MNS1: variants seen among roughly 807,000 people sequenced by gnomAD.
The protein encoded by MNS1 is meiosis-specific nuclear structural protein 1.
A neutral mutation model predicts 72.0 loss-of-function variants in MNS1; 63 were observed. That is an observed-to-expected ratio of 0.87 (90% CI 0.71 to 1.08). The LOEUF (loss-of-function observed/expected upper bound fraction) is 1.08, where lower values mean the gene tolerates loss of function less well. MNS1 is among the 50% of genes least tolerant of loss of function. The pLI is 0.00. For synonymous variants in MNS1, 188 were observed against 172.1 expected, an observed-to-expected ratio of 1.09 and a Z score of -0.72; for missense variants, 604 against 562.4, an observed-to-expected ratio of 1.07 and a Z score of -0.75.
At position 56,431,667 on chromosome 15, in the gene MNS1, G is replaced by C. The variant is rs761576564; in HGVS notation, c.1270-169C>G. Among the ~76,000 whole-genome samples the C allele has an allele frequency of 1.3e-5, 2 of 151,742 alleles. 1 individual carries two copies. Among genetic ancestry groups the C allele is most frequent in the Non-Finnish European group, 2.9e-5 (2 of 67,962 alleles). On this transcript the variant is annotated intron_variant, in intron 8 of 9. Coordinates refer to ENST00000260453, the MANE Select transcript of MNS1 (RefSeq NM_018365.4). ...TTTTTAAAATATATATTTTATGTCT[G>C]TACACATATCTATGTATTTTTTACT...
At chr15:56,447,198 T>C (rs2050912055) in intron 3 of MNS1, 1 of 286,102 alleles carries the variant, frequency 3.5e-6, no homozygotes, top group African/African-American at 2.2e-5. Flanking sequence ...AATACCACAC[T>C]ATCTCAACTG....
In MNS1 at chr15:56,429,065, T is replaced by C; in HGVS notation, c.*36A>G. On this transcript the variant is annotated 3_prime_UTR_variant, in exon 10 of 10. Coordinates refer to ENST00000260453, the MANE Select transcript of MNS1 (RefSeq NM_018365.4). ...GTTATGCTGACATCTAGTGGTAACATGCAAAAAATCTATGCTTTACCCAAT... is the reference window on the plus strand; with the variant it reads ...GTTATGCTGACATCTAGTGGTAACACGCAAAAAATCTATGCTTTACCCAAT... 7.3e-7 allele frequency: 1 copy of C among 1,374,516 alleles called. No homozygotes were observed. The highest frequency in any genetic ancestry group is 1.0e-6 in the Non-Finnish European group (1 of 987,068). The allele number at this position is 1,374,516 out of a possible 1,614,324, so 85.1% of individuals were successfully genotyped here.
chr15:56,435,859 G>C (rs1163336849), intron 7 of MNS1, among the ~76,000 whole-genome samples: 1 of 151,902 alleles, frequency 6.6e-6, no homozygotes, highest in Non-Finnish European at 1.5e-5. Flanking sequence ...AAAAATTACA[G>C]ACCAATATTC....
At chr15:56,438,906 T>G (rs1181395468) in intron 7 of MNS1, among the ~76,000 whole-genome samples, 1 of 152,100 alleles carries the variant, frequency 6.6e-6, no homozygotes, top group Non-Finnish European at 1.5e-5. Context: ...ATGTCTACTC[T>G]CATCACTCTT....
intron 8 of MNS1, among the ~76,000 whole-genome samples, chr15:56,431,953 T>A (rs2050609377): frequency 6.6e-6 from 1 of 152,100 alleles, no homozygotes; most frequent in Admixed American, 6.6e-5. Context: ...CTAGTATTTC[T>A]TAGGAAAGTG....
chr15:56,450,218 G>T (rs2140368705), intron 3 of MNS1, among the ~76,000 whole-genome samples: 1 of 152,060 alleles, frequency 6.6e-6, no homozygotes, highest in South Asian at 2.1e-4. Context: ...CCACAAGTTG[G>T]TTTCTTTTTT....
At position 56,443,413 on chromosome 15, in the gene MNS1, C is replaced by T; in HGVS notation, c.1011+17G>A. 2 of 1,514,062 alleles carry T rather than the reference C, an allele frequency of 1.3e-6. No homozygotes were observed. Among genetic ancestry groups the T allele is most frequent in the Non-Finnish European group, 1.8e-6 (2 of 1,125,192 alleles). 93.8% of individuals were successfully genotyped at this position (1,514,062 alleles called of 1,614,324 possible). A position where few individuals can be genotyped will look rare whatever the true frequency, so the allele number is the denominator to read the frequency against. Reference sequence around the variant, plus strand: ...TTCTTCTCTACATTAATCATTCTTTCCATTTCTGAAACTTACTTTTAGCTT... The same window carrying T: ...TTCTTCTCTACATTAATCATTCTTTTCATTTCTGAAACTTACTTTTAGCTT... On this transcript the variant is annotated intron_variant, in intron 7 of 9. Coordinates refer to ENST00000260453, the MANE Select transcript of MNS1 (RefSeq NM_018365.4).
At chr15:56,433,442 A>T (rs1409152947) in intron 8 of MNS1, among the ~76,000 whole-genome samples, 2 of 151,906 alleles carry the variant, frequency 1.3e-5, no homozygotes, top group African/African-American at 4.8e-5. Context: ...AATAATTAAA[A>T]AGATGGAATG....
chr15:56,434,420 T>C (rs372351973), intron 7 of MNS1, 25 bp from the exon 8 acceptor site: 2 of 1,588,048 alleles, frequency 1.3e-6, no homozygotes, highest in Non-Finnish European at 1.7e-6. Context: ...TGAAAGTTAA[T>C]TTAGTAACTA....
chr15:56,464,104 G>C lies in MNS1; in HGVS notation c.147C>G (p.Asn49Lys). ...TGAGAAATTGCTTGCGCTGAACACG[G>C]TTATCATTTTCATTCTGCACCATTT... ...RNQMVQNEND[N>K]RVQRKQFLRL... Residue 49 changes from asparagine to lysine, a missense_variant, in exon 2 of 10, where the codon AAC becomes AAG. Asn to Lys is a moderately conservative substitution (Grantham distance 94). Coordinates refer to ENST00000260453, the MANE Select transcript of MNS1 (RefSeq NM_018365.4). 1.9e-6 allele frequency: 3 copies of C among 1,614,028 alleles called. No homozygotes were observed. Among genetic ancestry groups the C allele is most frequent in the East Asian group, 2.2e-5 (1 of 44,864 alleles).
chr15:56,463,844 G>A lies in MNS1; in HGVS notation c.225+182C>T, dbSNP rs1596270537. The A allele has an allele frequency of 5.1e-6, 3 of 590,614 alleles. No individual in the cohort carries two copies. In the East Asian group the frequency reaches 8.5e-5, roughly 17 times the overall value. The allele number at this position is 590,614 out of a possible 1,614,324, so 36.6% of individuals were successfully genotyped here. A position where few individuals can be genotyped will look rare whatever the true frequency, so the allele number is the denominator to read the frequency against. On this transcript the variant is annotated intron_variant, in intron 2 of 9. Coordinates refer to ENST00000260453, the MANE Select transcript of MNS1 (RefSeq NM_018365.4). ...CGTAGCTAAGGTATAGCAGTAGTAG[G>A]ATTCAAAGACAGGCCGGCTCCAGAA...
chr15:56,456,222 A>G (rs957673290), intron 3 of MNS1, among the ~76,000 whole-genome samples, 172 bp downstream of exon 3: 1 of 152,136 alleles, frequency 6.6e-6, no homozygotes, highest in African/African-American at 2.4e-5. Flanking sequence ...CATGAATACA[A>G]CTTCTTTTCT....
At chr15:56,441,406 T>C (rs577909995) in intron 7 of MNS1, among the ~76,000 whole-genome samples, 9 of 152,312 alleles carry the variant, frequency 5.9e-5, no homozygotes, top group African/African-American at 9.6e-5. Flanking sequence ...TTTATTGATA[T>C]TGCTTTCAAT....
intron 8 of MNS1, 149 bp from the exon 9 acceptor site, chr15:56,431,647 A>T (rs141264677): frequency 2.1e-5 from 12 of 569,656 alleles, no homozygotes; most frequent in African/African-American, 1.8e-4. Context: ...ATATATTTTT[A>T]AAATATATAT....
Position 56,464,989 on chromosome 15 carries a change from T to C in MNS1, c.-17A>G, listed in dbSNP as rs200417797. The C allele has an allele frequency of 1.1e-4, 177 of 1,609,182 alleles. 3 individuals are homozygous for C. The East Asian group carries it at 2.8e-3, about 26-fold the overall frequency. On this transcript the variant is annotated 5_prime_UTR_variant, in exon 1 of 10. Transcript: ENST00000260453. ...GCTCACCATCTTGGCTGACGAAAAA[T>C]ACCCCCTCTCGTGGGACCGCGGCCA...
At position 56,434,174 on chromosome 15, in the gene MNS1, A is replaced by G; in HGVS notation, c.1233T>C (p.Leu411=). Residue 411 remains leucine, a synonymous_variant, in exon 8 of 10, where the codon CTT becomes CTC. Coordinates refer to ENST00000260453, the MANE Select transcript of MNS1 (RefSeq NM_018365.4). ...GGAATTGTTGGCGACGCTCTTCAATAAGTTTTTCCACAGCCCTCCTGTGTT... is the reference window on the plus strand; with the variant it reads ...GGAATTGTTGGCGACGCTCTTCAATGAGTTTTTCCACAGCCCTCCTGTGTT... ...QLEHRRAVEK[L]IEERRQQFLA... The G allele has an allele frequency of 6.2e-7, 1 of 1,613,588 alleles. No individual in the cohort carries two copies. Among genetic ancestry groups the G allele is most frequent in the Non-Finnish European group, 8.5e-7 (1 of 1,179,816 alleles).
At chr15:56,429,216 G>A (rs1429991304) in intron 9 of MNS1, 23 bp from the exon 10 acceptor site, 1 of 1,482,756 alleles carries the variant, frequency 6.7e-7, no homozygotes, top group African/African-American at 1.4e-5. Flanking sequence ...TACTTTGTGG[G>A]TTACTTTTGA....
Position 56,459,990 on chromosome 15 carries a change from C to CAAAAAAAAAAAAAAAAAAA in MNS1, c.226-3488_226-3470dup, listed in dbSNP as rs150132300. 4.5e-4 allele frequency among the ~76,000 whole-genome samples: 5 copies of CAAAAAAAAAAAAAAAAAAA among 11,126 alleles called. 1 individual carries two copies. Among genetic ancestry groups the CAAAAAAAAAAAAAAAAAAA allele is most frequent in the African/African-American group, 2.2e-3 (5 of 2,236 alleles). 7.3% of individuals were successfully genotyped at this position (11,126 alleles called of 152,430 possible). A position where few individuals can be genotyped will look rare whatever the true frequency, so the allele number is the denominator to read the frequency against. On this transcript the variant is annotated intron_variant, in intron 2 of 9. Coordinates refer to ENST00000260453, the MANE Select transcript of MNS1 (RefSeq NM_018365.4). The stretch of plus-strand genomic sequence containing the variant: ...GGGCAACAAGAGCGAAATTCTGTCT[C>CAAAAAAAAAAAAAAAAAAA]AAAAAAAAAAAAAAAAAAAATACAT...
rs1405548183 is a variant in MNS1, at chr15:56,428,776, G to T, written c.*325C>A. ...TCCCTGGCTAAATCAAGTAAGTAAA[G>T]TTCGTAAACACAGACAGAAGGCAGT... is the stretch of plus-strand genomic sequence containing the variant. On this transcript the variant is annotated 3_prime_UTR_variant, in exon 10 of 10. Transcript: ENST00000260453. 1 of 351,914 alleles carries T rather than the reference G, an allele frequency of 2.8e-6. No individual in the cohort carries two copies. Among genetic ancestry groups the T allele is most frequent in the African/African-American group, 2.1e-5 (1 of 47,722 alleles). 21.8% of individuals were successfully genotyped at this position (351,914 alleles called of 1,614,324 possible). A position where few individuals can be genotyped will look rare whatever the true frequency, so the allele number is the denominator to read the frequency against.
Sources: gnomAD v4.1 joint callset for allele counts (sites outside exome capture counted in the v4.1 genomes callset) on GRCh38, gnomAD v4.1.1 for gene constraint, MANE v1.5 for transcripts, NCBI Gene and HGNC (gene_info 2026-07-23, HGNC 2026-07-21) for gene names.